The following PIEZO2 variants were observed in gnomAD, a reference collection of about 807,000 sequenced individuals.
The protein encoded by PIEZO2 is piezo type mechanosensitive ion channel component 2.
PIEZO2 carries 172 observed loss-of-function variants against 337.3 expected under a neutral mutation model. The ratio of observed to expected loss-of-function variants is 0.51; its 90% CI spans 0.45 to 0.58. PIEZO2 has a LOEUF of 0.58. Ranked by LOEUF, PIEZO2 falls within the 20% of genes least tolerant of loss-of-function variation. PIEZO2 has a pLI of 0.00. For synonymous variants in PIEZO2, 1,251 were observed against 1,228.5 expected, an observed-to-expected ratio of 1.02 and a Z score of -0.38; for missense variants, 3,028 against 3,391.3, an observed-to-expected ratio of 0.89 and a Z score of 2.66.
In PIEZO2 at chr18:11,009,924, A is replaced by C. The variant is rs1471363913; in HGVS notation, c.161-30264T>G. Among the ~76,000 whole-genome samples the C allele has an allele frequency of 6.6e-6, 1 of 152,184 alleles. No individual in the cohort carries two copies. Among genetic ancestry groups the C allele is most frequent in the Non-Finnish European group, 1.5e-5 (1 of 68,046 alleles). On this transcript the variant is annotated intron_variant, in intron 2 of 55. Transcript: ENST00000674853. This position sits in a 1 kb window ranked among gnomAD's most constrained non-coding sequence, Gnocchi z 4.6. ...GAGGCCTCAGGAGAAACCAAGCCTCAAGACACCTTGATCTCAAATATCCAG... is the reference window on the plus strand; with the variant it reads ...GAGGCCTCAGGAGAAACCAAGCCTCCAGACACCTTGATCTCAAATATCCAG...
At chr18:10,879,451 A>G (rs1241935740) in intron 4 of PIEZO2, among the ~76,000 whole-genome samples, 1 of 131,872 alleles carries the variant, frequency 7.6e-6, no homozygotes, top group Non-Finnish European at 1.5e-5. Context: ...GCTGGAGTGC[A>G]GTAGTGCGAT....
Position 10,724,386 on chromosome 18 carries a change from T to C in PIEZO2, c.5030-6127A>G, listed in dbSNP as rs2036440573. Among the ~76,000 whole-genome samples, 1 of 152,090 alleles carries C rather than the reference T, an allele frequency of 6.6e-6. No individual in the cohort carries two copies. Among genetic ancestry groups the C allele is most frequent in the South Asian group, 2.1e-4 (1 of 4,828 alleles). ...AAAACAAAAACGAAAACAAAAGTGC[T>C]TTCTCCTGGCCCAGCATACTTGGGT... On this transcript the variant is annotated intron_variant, in intron 36 of 55. Transcript: ENST00000674853. This position sits in a 1 kb window ranked among gnomAD's most constrained non-coding sequence, Gnocchi z 5.8.
At chr18:10,886,323 C>CATATATATATATATATATATATATAT (rs58335722) in intron 4 of PIEZO2, among the ~76,000 whole-genome samples, 2 of 26,370 alleles carry the variant, frequency 7.6e-5, no homozygotes, top group African/African-American at 5.6e-4. Context: ...CCTATACATA[C>CATATATATATATATATATATATATAT]ATATATATAT....
chr18:10,710,433 T>C (rs2035772423), intron 39 of PIEZO2, among the ~76,000 whole-genome samples: 1 of 152,196 alleles, frequency 6.6e-6, no homozygotes, highest in Admixed American at 6.5e-5. Flanking sequence ...TCAGAGGACA[T>C]ATTTAAAATA....
intron 1 of PIEZO2, among the ~76,000 whole-genome samples, chr18:11,075,553 C>G (rs908143965): frequency 4.6e-5 from 7 of 152,208 alleles, no homozygotes; most frequent in African/African-American, 1.7e-4. Context: ...TCCTCTCCCC[C>G]TCTAGTCTCA....
intron 2 of PIEZO2, among the ~76,000 whole-genome samples, chr18:11,010,094 A>C (rs1230115520): frequency 6.6e-6 from 1 of 152,204 alleles, no homozygotes; most frequent in Non-Finnish European, 1.5e-5. Context: ...TGAAACCTCA[A>C]GATTTTCTTA....
rs2038617944 is a variant in PIEZO2, at chr18:11,078,144, TCAC to T, written c.65-11925_65-11923del. ...ACCATACACACACATACACACACAC[TCAC>T]CACACACACACATACACACACCACA... On this transcript the variant is annotated intron_variant, in intron 1 of 55. Transcript: ENST00000674853. This position sits in a 1 kb window ranked among gnomAD's most constrained non-coding sequence, Gnocchi z 5.3. Among the ~76,000 whole-genome samples, 1 of 124,190 alleles carries T rather than the reference TCAC, an allele frequency of 8.1e-6. No individual in the cohort carries two copies. The highest frequency in any genetic ancestry group is 1.6e-5 in the Non-Finnish European group (1 of 62,472). The allele number at this position is 124,190 out of a possible 152,430, so 81.5% of individuals were successfully genotyped here. A position where few individuals can be genotyped will look rare whatever the true frequency, so the allele number is the denominator to read the frequency against.
chr18:11,103,752 C>T (rs2039481050), intron 1 of PIEZO2, among the ~76,000 whole-genome samples: 1 of 151,970 alleles, frequency 6.6e-6, no homozygotes, highest in African/African-American at 2.4e-5. Context: ...ACTTTAAAAG[C>T]ACACAGCCTT....
chr18:10,956,279 T>C (rs1321939732), intron 3 of PIEZO2, among the ~76,000 whole-genome samples: 1 of 152,162 alleles, frequency 6.6e-6, no homozygotes, highest in Non-Finnish European at 1.5e-5. Flanking sequence ...AACAAAACAA[T>C]TCTATTTATA....
At position 10,861,437 on chromosome 18, in the gene PIEZO2, T is replaced by G. The variant is rs569016630; in HGVS notation, c.493-4226A>C. ...AAAAGTTTATGATTTTAACAGGAAA[T>G]CTTGTTATTTGCAACAACATGCATA... is the stretch of plus-strand genomic sequence containing the variant. On this transcript the variant is annotated intron_variant, in intron 5 of 55. Coordinates refer to ENST00000674853, the MANE Select transcript of PIEZO2 (RefSeq NM_001378183.1). The surrounding 1 kb of genome is among the most constrained non-coding windows in gnomAD (Gnocchi z 4.3). Among the ~76,000 whole-genome samples, 6 of 152,390 alleles carry G rather than the reference T, an allele frequency of 3.9e-5. No individual in the cohort carries two copies. The highest frequency in any genetic ancestry group is 9.6e-5 in the African/African-American group (4 of 41,598).
rs113837948 is a variant in PIEZO2 at position 11,053,687 on chromosome 18, C to A, written c.160+12440G>T. ...CTACCATATTGACCAGTATGTGGCA[C>A]TCACTATATCATAAGTTATAAGGAA... On this transcript the variant is annotated intron_variant, in intron 2 of 55. Coordinates refer to ENST00000674853, the MANE Select transcript of PIEZO2 (RefSeq NM_001378183.1). Among the ~76,000 whole-genome samples the A allele has an allele frequency of 9.0e-3, 1,369 of 152,318 alleles. 13 individuals carry two copies. Among genetic ancestry groups the A allele is most frequent in the Admixed American group, 0.014 (213 of 15,294 alleles).
Position 11,148,398 on chromosome 18 carries a change from G to C in PIEZO2, c.64+127C>G. Reference sequence around the variant, plus strand: ...AGGCTGTGCACCAGGGACAGCGCGCGTCTGACGCCGCTGGCCTCCCGAATC... The same window carrying C: ...AGGCTGTGCACCAGGGACAGCGCGCCTCTGACGCCGCTGGCCTCCCGAATC... On this transcript the variant is annotated intron_variant, in intron 1 of 55. Transcript: ENST00000674853. The surrounding 1 kb of genome is among the most constrained non-coding windows in gnomAD (Gnocchi z 5.2). 9.3e-7 allele frequency: 1 copy of C among 1,079,888 alleles called. No individual in the cohort carries two copies. The highest frequency in any genetic ancestry group is 1.3e-6 in the Non-Finnish European group (1 of 747,016). 66.9% of individuals were successfully genotyped at this position (1,079,888 alleles called of 1,614,324 possible). A position where few individuals can be genotyped will look rare whatever the true frequency, so the allele number is the denominator to read the frequency against.
Position 11,131,100 on chromosome 18 carries a change from T to C in PIEZO2, c.64+17425A>G, listed in dbSNP as rs982720115. Among the ~76,000 whole-genome samples the C allele has an allele frequency of 7.2e-5, 11 of 152,328 alleles. No homozygotes were observed. Among genetic ancestry groups the C allele is most frequent in the Non-Finnish European group, 1.2e-4 (8 of 68,022 alleles). On this transcript the variant is annotated intron_variant, in intron 1 of 55. Transcript: ENST00000674853. This position sits in a 1 kb window ranked among gnomAD's most constrained non-coding sequence, Gnocchi z 5.3. The stretch of plus-strand genomic sequence containing the variant: ...CCTTCTGCAGATAACTACTCTCCTT[T>C]TGAGAGACAGCTCTTGGCTGACACT...
chr18:10,836,808 A>G (rs1167887634), intron 7 of PIEZO2, among the ~76,000 whole-genome samples: 2 of 152,192 alleles, frequency 1.3e-5, no homozygotes, highest in African/African-American at 4.8e-5. Flanking sequence ...AGTGAACTGG[A>G]TCTCTTAAGG....
At chr18:11,000,340 T>C (rs1012688190) in intron 2 of PIEZO2, among the ~76,000 whole-genome samples, 7 of 152,140 alleles carry the variant, frequency 4.6e-5, no homozygotes, top group African/African-American at 1.7e-4. Context: ...AGAAAGTAGG[T>C]TTTTTCCTTT....
rs1367333580 is a variant in PIEZO2 at position 10,895,642 on chromosome 18, G to A, written c.329+15544C>T. ...TGCCTCACTCAGGATTTGCATTGGA[G>A]TGATCCTCAGTTTAACACCTGGGAA... On this transcript the variant is annotated intron_variant, in intron 4 of 55. Transcript: ENST00000674853. This position sits in a 1 kb window ranked among gnomAD's most constrained non-coding sequence, Gnocchi z 4.8. Among the ~76,000 whole-genome samples the A allele has an allele frequency of 6.6e-6, 1 of 152,118 alleles. No individual in the cohort carries two copies. Among genetic ancestry groups the A allele is most frequent in the Non-Finnish European group, 1.5e-5 (1 of 68,018 alleles).
intron 1 of PIEZO2, among the ~76,000 whole-genome samples, chr18:11,106,236 A>G (rs1367014523): frequency 1.6e-4 from 24 of 147,672 alleles, no homozygotes; most frequent in African/African-American, 5.5e-4. Context: ...ACAGGCGCCC[A>G]CCACCACGCC....
At chr18:11,056,781 G>T (rs1382943995) in intron 2 of PIEZO2, among the ~76,000 whole-genome samples, 2 of 152,102 alleles carry the variant, frequency 1.3e-5, no homozygotes, top group Non-Finnish European at 2.9e-5. Flanking sequence ...TTCACAGTCA[G>T]CTGTGTCCAT....
Position 10,746,185 on chromosome 18 carries a change from T to A in PIEZO2, c.4425-1954A>T, listed in dbSNP as rs1281775178. Among the ~76,000 whole-genome samples the A allele has an allele frequency of 5.3e-5, 8 of 152,164 alleles. No homozygotes were observed. Among genetic ancestry groups the A allele is most frequent in the Admixed American group, 5.2e-4 (8 of 15,272 alleles). ...CTCCATACCACAAACAGAGTGAGCT[T>A]CCTGAAATGCAAACACGTCATATTA... On this transcript the variant is annotated intron_variant, in intron 30 of 55. Coordinates refer to ENST00000674853, the MANE Select transcript of PIEZO2 (RefSeq NM_001378183.1). This position sits in a 1 kb window ranked among gnomAD's most constrained non-coding sequence, Gnocchi z 4.2.
Sources: gnomAD v4.1 joint callset for allele counts (sites outside exome capture counted in the v4.1 genomes callset) on GRCh38, gnomAD v4.1.1 for gene constraint, Gnocchi (gnomAD v3.1) non-coding constraint, MANE v1.5 for transcripts, NCBI Gene and HGNC (gene_info 2026-07-23, HGNC 2026-07-21) for gene names.